Variants in ROR1 observed in about 807,000 individuals in gnomAD.
ROR1 encodes the protein inactive tyrosine-protein kinase transmembrane receptor ROR1.
In ROR1, 19 loss-of-function variants were observed where a neutral mutation model predicts 78.8. That is an observed-to-expected ratio of 0.24 (90% CI 0.17 to 0.35). The LOEUF is 0.35. Ranked by LOEUF, ROR1 falls within the 10% of genes least tolerant of loss-of-function variation. The pLI is 1.00. For missense variants in ROR1, 917 were observed against 1,177.8 expected (o/e 0.78, Z 3.24); for synonymous variants, 386 against 433.6 (o/e 0.89, Z 1.36).
intron 1 of ROR1, among the ~76,000 whole-genome samples, chr1:63,893,792 A>G (rs1366785038): frequency 6.6e-6 from 1 of 152,150 alleles, no homozygotes; most frequent in Non-Finnish European, 1.5e-5. Flanking sequence ...TCCTGGGAAT[A>G]TGTTCCAGGA....
chr1:63,782,232 G>A (rs979156481), intron 1 of ROR1, among the ~76,000 whole-genome samples: 1 of 152,046 alleles, frequency 6.6e-6, no homozygotes, highest in Non-Finnish European at 1.5e-5. Flanking sequence ...CATCTCTTCC[G>A]GTCATATGAC....
At chr1:64,131,416 G>C (rs757531760) in intron 4 of ROR1, among the ~76,000 whole-genome samples, 43 of 152,130 alleles carry the variant, frequency 2.8e-4, no homozygotes, top group Admixed American at 7.2e-4. Flanking sequence ...AACTGCTCAT[G>C]CTTATATCAG....
rs569838077 is a variant in ROR1, at chr1:63,785,530, A to AT, written c.91+11032dup. On this transcript the variant is annotated intron_variant, in intron 1 of 8. Transcript: ENST00000371079. The stretch of plus-strand genomic sequence containing the variant: ...ATTTATTTATTTATTTATTTATTTA[A>AT]TTTTTTTTTTGAGACGGAGTCTCAC... Among the ~76,000 whole-genome samples, 27 of 134,670 alleles carry AT rather than the reference A, an allele frequency of 2.0e-4. No individual in the cohort carries two copies. In the South Asian group the frequency reaches 2.1e-3, roughly 10 times the overall value. 88.3% of individuals were successfully genotyped at this position (134,670 alleles called of 152,430 possible).
At chr1:63,785,844 G>A (rs1192148297) in intron 1 of ROR1, among the ~76,000 whole-genome samples, 2 of 152,030 alleles carry the variant, frequency 1.3e-5, no homozygotes, top group East Asian at 1.9e-4. Context: ...AACAATTTTC[G>A]ATGATGTTCT....
rs918894755 is a variant in ROR1 at position 64,142,725 on chromosome 1, A to T, written c.1174+75A>T. 5.1e-6 allele frequency: 8 copies of T among 1,579,902 alleles called. No individual in the cohort carries two copies. The African/African-American group carries it at 1.1e-4, about 21-fold the overall frequency. On this transcript the variant is annotated intron_variant, in intron 7 of 8. Transcript: ENST00000371079. Reference sequence around the variant, plus strand: ...CTATCCTACCCCTCTTATTTAGGAGAATCCTATAAGGGGGGCAAAGAAAAT... The same window carrying T: ...CTATCCTACCCCTCTTATTTAGGAGTATCCTATAAGGGGGGCAAAGAAAAT...
intron 1 of ROR1, among the ~76,000 whole-genome samples, chr1:63,987,488 A>C (rs1646262056): frequency 6.6e-6 from 1 of 152,114 alleles, no homozygotes; most frequent in Non-Finnish European, 1.5e-5. Flanking sequence ...GGGATCTGGG[A>C]ATGTTAATCT....
chr1:63,873,719 C>A (rs998351873), intron 1 of ROR1, among the ~76,000 whole-genome samples: 1 of 149,928 alleles, frequency 6.7e-6, no homozygotes, highest in African/African-American at 2.5e-5. Context: ...CCAAGTAATA[C>A]ATGGTTCAAG....
Position 63,774,449 on chromosome 1 carries a change from CGCCGCTCCTGGCGCTGCTG to C in ROR1, c.38_56del (p.Leu13ArgfsTer22). 8.5e-7 allele frequency: 1 copy of C among 1,175,602 alleles called. No homozygotes were observed. The highest frequency in any genetic ancestry group is 1.0e-6 in the Non-Finnish European group (1 of 956,820). The allele number at this position is 1,175,602 out of a possible 1,614,324, so 72.8% of individuals were successfully genotyped here. A position where few individuals can be genotyped will look rare whatever the true frequency, so the allele number is the denominator to read the frequency against. ...CGGCCGCGCCGCCGCGGGACGCGCCCGCCGCTCCTGGCGCTGCTGGCCGCGCTGCTGCTGGCCGCACGCG... is the reference window on the plus strand; with the variant it reads ...CGGCCGCGCCGCCGCGGGACGCGCCCGCCGCGCTGCTGCTGGCCGCACGCG... On this transcript the variant is annotated frameshift_variant, in exon 1 of 9. Coordinates refer to ENST00000371079, the MANE Select transcript of ROR1 (RefSeq NM_005012.4). LOFTEE classifies it high-confidence loss of function. This position sits in a 1 kb window ranked among gnomAD's most constrained non-coding sequence, Gnocchi z 5.7.
chr1:63,975,072 T>G (rs777681673), intron 1 of ROR1, among the ~76,000 whole-genome samples: 8 of 152,188 alleles, frequency 5.3e-5, no homozygotes, highest in Non-Finnish European at 1.2e-4. Context: ...AGAGCATAGA[T>G]TAAATATCAC....
At chr1:63,786,570 C>CATTTT (rs1644689271) in intron 1 of ROR1, among the ~76,000 whole-genome samples, 1 of 131,716 alleles carries the variant, frequency 7.6e-6, no homozygotes, top group Non-Finnish European at 1.6e-5. Flanking sequence ...CCGCGCCTGG[C>CATTTT]CTTTTTTTTT....
chr1:63,970,838 A>G (rs1646113079), intron 1 of ROR1, among the ~76,000 whole-genome samples: 1 of 152,220 alleles, frequency 6.6e-6, no homozygotes, highest in African/African-American at 2.4e-5. Context: ...AACCAGCTTC[A>G]GGGCACAGAG....
At chr1:64,026,072 A>G (rs1047911192) in intron 2 of ROR1, among the ~76,000 whole-genome samples, 2 of 152,190 alleles carry the variant, frequency 1.3e-5, no homozygotes, top group African/African-American at 4.8e-5. Context: ...GACATTACAC[A>G]AGAATAACCT....
At chr1:63,900,018 T>C (rs1426374061) in intron 1 of ROR1, among the ~76,000 whole-genome samples, 2 of 151,982 alleles carry the variant, frequency 1.3e-5, no homozygotes, top group African/African-American at 2.4e-5. Flanking sequence ...TATGGAGGGA[T>C]TTAGGATTTA....
chr1:63,879,421 G>T (rs77155513), intron 1 of ROR1, among the ~76,000 whole-genome samples: 435 of 152,218 alleles, frequency 2.9e-3, no homozygotes, highest in African/African-American at 0.01. Flanking sequence ...GAGAGAACTT[G>T]GGGCAAACTA....
intron 2 of ROR1, among the ~76,000 whole-genome samples, chr1:64,015,755 G>A (rs1646516076): frequency 6.6e-6 from 1 of 152,078 alleles, no homozygotes; most frequent in African/African-American, 2.4e-5. Context: ...ATCCATCCTT[G>A]TGTTCCAGCT....
intron 4 of ROR1, among the ~76,000 whole-genome samples, chr1:64,083,700 A>C (rs143525471): frequency 3.8e-3 from 575 of 152,294 alleles, no homozygotes; most frequent in Admixed American, 7.6e-3. Context: ...GGAAGAGAGA[A>C]ACCTCTTTTC....
intron 1 of ROR1, among the ~76,000 whole-genome samples, chr1:63,965,321 G>A (rs991421650): frequency 5.3e-5 from 8 of 152,274 alleles, no homozygotes; most frequent in Admixed American, 4.6e-4. Context: ...GGCTGGACCA[G>A]AAGAGTGAGA....
intron 4 of ROR1, among the ~76,000 whole-genome samples, chr1:64,053,051 C>T (rs1646846374): frequency 6.6e-6 from 1 of 152,050 alleles, no homozygotes; most frequent in Admixed American, 6.6e-5. Flanking sequence ...AAAATGATAG[C>T]CATGGGGAAT....
At chr1:64,093,331 G>A (rs1035384227) in intron 4 of ROR1, among the ~76,000 whole-genome samples, 2 of 152,040 alleles carry the variant, frequency 1.3e-5, no homozygotes, top group Non-Finnish European at 2.9e-5. Flanking sequence ...GGGGTAGCTC[G>A]GCCTTAACAA....
Sources: allele counts gnomAD v4.1 joint callset (sites outside exome capture counted in the v4.1 genomes callset), GRCh38; gene constraint gnomAD v4.1.1; non-coding constraint Gnocchi (gnomAD v3.1); transcripts MANE v1.5; gene names NCBI Gene and HGNC (gene_info 2026-07-23, HGNC 2026-07-21).